MTCL3: variants seen among roughly 807,000 people sequenced by gnomAD.
MTCL3 encodes the protein microtubule cross-linking factor 3.
the MTCL3 span, chr6:127,517,604 T>G: frequency 6.6e-6 from 1 of 152,244 alleles, no homozygotes; most frequent in Non-Finnish European, 1.5e-5. Context: ...TCTTCTTACA[T>G]CGCATATCAT....
chr6:127,516,026 G>T, the MTCL3 span: 1 of 1,578,486 alleles, frequency 6.3e-7, no homozygotes, highest in Non-Finnish European at 8.6e-7. Context: ...CCTTTCCCTC[G>T]CCAGCCCCTG....
At chr6:127,476,967 A>T in the MTCL3 span, among the ~76,000 whole-genome samples, 26 of 152,248 alleles carry the variant, frequency 1.7e-4, no homozygotes, top group South Asian at 6.2e-4. The surrounding 1 kb of genome is among the most constrained non-coding windows in gnomAD (Gnocchi z 4.4). Flanking sequence ...CCTGGTTTAA[A>T]GATGTTCAGT....
At chr6:127,485,853 A>G in the MTCL3 span, among the ~76,000 whole-genome samples, 1 of 152,206 alleles carries the variant, frequency 6.6e-6, no homozygotes, top group South Asian at 2.1e-4. Flanking sequence ...AGAAGCTCTA[A>G]TTCCAGATCT....
At chr6:127,506,241 G>C in the MTCL3 span, among the ~76,000 whole-genome samples, 1 of 152,124 alleles carries the variant, frequency 6.6e-6, no homozygotes, top group African/African-American at 2.4e-5. Flanking sequence ...GAAAAGACCT[G>C]TCAAGTATTT....
chr6:127,515,491 C>T, the MTCL3 span: 9 of 1,411,816 alleles, frequency 6.4e-6, no homozygotes, highest in Non-Finnish European at 6.4e-6. This position sits in a 1 kb window ranked among gnomAD's most constrained non-coding sequence, Gnocchi z 4.3. Context: ...CATCCCCCAG[C>T]CGGGTCCCCC....
the MTCL3 span, chr6:127,475,578 C>T: frequency 6.2e-7 from 1 of 1,607,498 alleles, no homozygotes; most frequent in Non-Finnish European, 8.5e-7. The surrounding 1 kb of genome is among the most constrained non-coding windows in gnomAD (Gnocchi z 7.3). Context: ...AGCGGATGTC[C>T]TTCATCTGCT....
chr6:127,474,649 T>C, the MTCL3 span, among the ~76,000 whole-genome samples: 1 of 151,420 alleles, frequency 6.6e-6, no homozygotes, highest in Non-Finnish European at 1.5e-5. Flanking sequence ...GCAATCACCA[T>C]TCACTGCAGC....
At chr6:127,495,185 T>G in the MTCL3 span, among the ~76,000 whole-genome samples, 1 of 135,634 alleles carries the variant, frequency 7.4e-6, no homozygotes, top group African/African-American at 2.7e-5. Flanking sequence ...CGACAGAGCA[T>G]GACTCCATCT....
the MTCL3 span, among the ~76,000 whole-genome samples, chr6:127,483,670 C>G: frequency 6.6e-6 from 1 of 152,146 alleles, no homozygotes; most frequent in Non-Finnish European, 1.5e-5. Context: ...AATTAAAATT[C>G]AAACTAACAC....
At chr6:127,475,593 A>G in the MTCL3 span, 1 of 1,604,570 alleles carries the variant, frequency 6.2e-7, no homozygotes, top group South Asian at 1.1e-5. This position sits in a 1 kb window ranked among gnomAD's most constrained non-coding sequence, Gnocchi z 7.3. Context: ...TCTGCTGCCG[A>G]TCGGAGAAGC....
the MTCL3 span, chr6:127,515,148 T>A: frequency 2.8e-6 from 3 of 1,067,228 alleles, no homozygotes; most frequent in East Asian, 7.1e-5. This position sits in a 1 kb window ranked among gnomAD's most constrained non-coding sequence, Gnocchi z 4.3. Flanking sequence ...TCAGCTTTAA[T>A]TGCCCTCTCT....
the MTCL3 span, among the ~76,000 whole-genome samples, chr6:127,494,134 A>T: frequency 6.6e-6 from 1 of 152,186 alleles, no homozygotes; most frequent in South Asian, 2.1e-4. Context: ...TTACTTTAGA[A>T]CATATCTGCC....
the MTCL3 span, among the ~76,000 whole-genome samples, chr6:127,500,769 A>G: frequency 6.6e-6 from 1 of 152,228 alleles, no homozygotes; most frequent in East Asian, 1.9e-4. Context: ...ATCTCACATT[A>G]AATTAACAAA....
the MTCL3 span, among the ~76,000 whole-genome samples, chr6:127,487,171 T>G: frequency 3.9e-5 from 6 of 152,200 alleles, no homozygotes; most frequent in Non-Finnish European, 8.8e-5. Flanking sequence ...AGAACCAGGA[T>G]GCAAATTAGC....
At chr6:127,485,570 T>C in the MTCL3 span, among the ~76,000 whole-genome samples, 1 of 152,146 alleles carries the variant, frequency 6.6e-6, no homozygotes, top group South Asian at 2.1e-4. Flanking sequence ...CGCTGTGAGA[T>C]AAAGATGTTA....
chr6:127,494,302 A>G, the MTCL3 span, among the ~76,000 whole-genome samples: 1 of 152,248 alleles, frequency 6.6e-6, no homozygotes, highest in Non-Finnish European at 1.5e-5. Context: ...TCAGAAACTT[A>G]GAAAGTAAGA....
the MTCL3 span, among the ~76,000 whole-genome samples, chr6:127,517,301 T>G: frequency 6.6e-6 from 1 of 152,236 alleles, no homozygotes; most frequent in African/African-American, 2.4e-5. Flanking sequence ...ACTTCCTTTA[T>G]AATAGAACTA....
At chr6:127,481,148 C>G in the MTCL3 span, among the ~76,000 whole-genome samples, 4 of 152,240 alleles carry the variant, frequency 2.6e-5, no homozygotes, top group South Asian at 8.3e-4. Context: ...GTTAAGAATT[C>G]CTGCATCAGA....
chr6:127,488,811 G>C, the MTCL3 span, among the ~76,000 whole-genome samples: 1 of 152,144 alleles, frequency 6.6e-6, no homozygotes, highest in Non-Finnish European at 1.5e-5. Flanking sequence ...CACATCTGTG[G>C]ATTCAACCAA....
Sources: allele counts gnomAD v4.1 joint callset (sites outside exome capture counted in the v4.1 genomes callset), GRCh38; gene constraint gnomAD v4.1.1; non-coding constraint Gnocchi (gnomAD v3.1); transcripts MANE v1.5; gene names NCBI Gene and HGNC (gene_info 2026-07-23, HGNC 2026-07-21).